GUF1: variants seen among roughly 807,000 people sequenced by gnomAD.
GUF1 encodes the protein translation factor GUF1, mitochondrial.
GUF1 carries 78 observed loss-of-function variants against 82.4 expected under a neutral mutation model. The observed-to-expected ratio is 0.95, with a 90% CI of 0.79 to 1.14. The LOEUF is 1.14. Ranked by LOEUF, GUF1 falls within the 50% of genes most tolerant of loss-of-function variation. The probability of loss-of-function intolerance (pLI) is 0.00; values close to 1 mark genes in which losing one functional copy is unlikely to be tolerated. For missense variants in GUF1, 814 were observed against 798.2 expected, an observed-to-expected ratio of 1.02 and a Z score of -0.24; for synonymous variants, 279 against 282.3, an observed-to-expected ratio of 0.99 and a Z score of 0.12.
rs1714740682 is a variant in GUF1, at chr4:44,680,998, T to C, written c.427-125T>C. 8 of 1,103,136 alleles carry C rather than the reference T, an allele frequency of 7.3e-6. No individual in the cohort carries two copies. In the Admixed American group the frequency reaches 1.6e-4, roughly 22 times the overall value. 68.3% of individuals were successfully genotyped at this position (1,103,136 alleles called of 1,614,324 possible). A position where few individuals can be genotyped will look rare whatever the true frequency, so the allele number is the denominator to read the frequency against. On this transcript the variant is annotated intron_variant, in intron 3 of 16. Transcript: ENST00000281543. ...ATGTTAGTGTCAGTTGTTTCAAAAG[T>C]GCAGGCTACAAAAAAGAAACGAATA... is the stretch of plus-strand genomic sequence containing the variant.
intron 4 of GUF1, 99 bp from the exon 5 acceptor site, chr4:44,682,235 A>G (rs1714811277): frequency 3.6e-6 from 2 of 560,332 alleles, no homozygotes; most frequent in Non-Finnish European, 6.1e-6. Context: ...GCATAACGCA[A>G]AATCTCTTGA....
intron 4 of GUF1, among the ~76,000 whole-genome samples, chr4:44,681,543 T>G (rs1489760686): frequency 1.3e-5 from 2 of 152,082 alleles, no homozygotes; most frequent in African/African-American, 2.4e-5. Flanking sequence ...TAGCAGATCT[T>G]AAGAATAAAT....
rs1181427026 is a variant in GUF1 at position 44,688,028 on chromosome 4, T to C, written c.960T>C (p.Tyr320=). ...TTAGATATGCAGGACAGGTGGGCTA[T>C]CTGATTGCTGGGATGAAAGATGTCA... is the stretch of plus-strand genomic sequence containing the variant. ...THKLYAGQVG[Y]LIAGMKDVTE... Residue 320 remains tyrosine (Y), a synonymous_variant, in exon 9 of 17, where the codon TAT becomes TAC. Transcript: ENST00000281543. The C allele has an allele frequency of 6.2e-7, 1 of 1,612,016 alleles. No homozygotes were observed. The highest frequency in any genetic ancestry group is 2.2e-5 in the East Asian group (1 of 44,854).
chr4:44,683,120 G>A, intron 5 of GUF1, 115 bp from the exon 6 acceptor site: 3 of 549,572 alleles, frequency 5.5e-6, no homozygotes, highest in Non-Finnish European at 9.5e-6. Context: ...AAAAAATATT[G>A]TAGAGGGGTC....
At chr4:44,697,561 C>G in intron 16 of GUF1, 117 bp downstream of exon 16, 1 of 494,766 alleles carries the variant, frequency 2.0e-6, no homozygotes. Context: ...TTCCAAGTTC[C>G]CTTTTTGAAT....
intron 13 of GUF1, among the ~76,000 whole-genome samples, chr4:44,692,370 TAAG>T (rs1715501267): frequency 6.6e-6 from 1 of 151,848 alleles, no homozygotes; most frequent in Admixed American, 6.6e-5. Flanking sequence ...AAATAACAAA[TAAG>T]AAACTCAGGG....
intron 15 of GUF1, among the ~76,000 whole-genome samples, chr4:44,696,425 A>C (rs1715832382): frequency 6.6e-6 from 1 of 152,162 alleles, no homozygotes; most frequent in East Asian, 1.9e-4. Flanking sequence ...GTTTTTTAAC[A>C]AAAACCCAAA....
At position 44,698,563 on chromosome 4, in the gene GUF1, G is replaced by A. The variant is rs559797399; in HGVS notation, c.1892G>A (p.Arg631Gln). Residue 631 changes from arginine to glutamine, a missense_variant, in exon 17 of 17, where the codon CGA (arginine) becomes CAA (glutamine). Coordinates refer to ENST00000281543, the MANE Select transcript of GUF1 (RefSeq NM_021927.3). Reference protein sequence around the residue: ...LAKCYGGDITRKMKLLKRQAE... With the variant: ...LAKCYGGDITQKMKLLKRQAE... ...TTTCAGTATGGTGGTGATATTACCC[G>A]AAAAATGAAGCTTTTGAAGAGACAA... is the stretch of plus-strand genomic sequence containing the variant. The A allele has an allele frequency of 7.8e-5, 124 of 1,597,348 alleles. No homozygotes were observed. The highest frequency in any genetic ancestry group is 5.3e-4 in the South Asian group (46 of 86,904).
Position 44,692,407 on chromosome 4 carries a change from T to TTTG in GUF1, c.1613+627_1613+629dup, listed in dbSNP as rs375180952. ...GGCATAGCATTCTGAGAGGCTGTTT[T>TTTG]TTGTTGTTGTTGTTGTTGTTGGGGC... On this transcript the variant is annotated intron_variant, in intron 13 of 16. Transcript: ENST00000281543. 5.4e-3 allele frequency among the ~76,000 whole-genome samples: 818 copies of TTTG among 151,602 alleles called. 2 individuals carry two copies. The highest frequency in any genetic ancestry group is 9.0e-3 in the Non-Finnish European group (607 of 67,712).
intron 3 of GUF1, 84 bp downstream of exon 3, chr4:44,680,926 CTGAG>C (rs1714736880): frequency 3.2e-6 from 4 of 1,265,254 alleles, no homozygotes; most frequent in East Asian, 2.3e-5. Flanking sequence ...AATTTTTGAA[CTGAG>C]TATTAAACAT....
intron 16 of GUF1, among the ~76,000 whole-genome samples, chr4:44,697,689 A>C (rs1577785004): frequency 7.9e-6 from 1 of 125,966 alleles, no homozygotes; most frequent in East Asian, 2.1e-4. Flanking sequence ...CTTATATGTA[A>C]TACTAAGGAA....
Position 44,691,372 on chromosome 4 carries a change from CTT to C in GUF1, c.1480-291_1480-290del, listed in dbSNP as rs375918715. On this transcript the variant is annotated intron_variant, in intron 12 of 16. Coordinates refer to ENST00000281543, the MANE Select transcript of GUF1 (RefSeq NM_021927.3). The stretch of plus-strand genomic sequence containing the variant: ...AACTAGATTGTAATCTTGGTCTTAA[CTT>C]TTAATTTCTCTGGACCTAATTATTT... Among the ~76,000 whole-genome samples, 532 of 151,832 alleles carry C rather than the reference CTT, an allele frequency of 3.5e-3. 1 individual carries two copies. The highest frequency in any genetic ancestry group is 0.012 in the African/African-American group (497 of 41,510).
intron 11 of GUF1, 83 bp from the exon 12 acceptor site, chr4:44,690,634 G>C: frequency 2.7e-6 from 2 of 742,848 alleles, no homozygotes; most frequent in Non-Finnish European, 4.3e-6. Context: ...ACAGCTGGAG[G>C]GATTTTAAAA....
At chr4:44,678,982 A>G (rs1413246066) in intron 1 of GUF1, among the ~76,000 whole-genome samples, 195 bp downstream of exon 1, 1 of 152,212 alleles carries the variant, frequency 6.6e-6, no homozygotes, top group Non-Finnish European at 1.5e-5. Context: ...ACCTTGGGCA[A>G]GTCACTAACT....
rs574434394 is a variant in GUF1, at chr4:44,698,538, T to A, written c.1873-6T>A. ...TAGACTTCCAATGTTTTAAAATATTTTTCAGTATGGTGGTGATATTACCCG... is the reference window on the plus strand; with the variant it reads ...TAGACTTCCAATGTTTTAAAATATTATTCAGTATGGTGGTGATATTACCCG... On this transcript the variant is annotated splice_region_variant and splice_polypyrimidine_tract_variant and intron_variant, in intron 16 of 16. Transcript: ENST00000281543. 1 of 1,577,542 alleles carries A rather than the reference T, an allele frequency of 6.3e-7. No individual in the cohort carries two copies. Among genetic ancestry groups the A allele is most frequent in the African/African-American group, 1.4e-5 (1 of 72,256 alleles).
intron 14 of GUF1, among the ~76,000 whole-genome samples, chr4:44,694,867 C>T (rs1359678789): frequency 2.6e-5 from 4 of 151,678 alleles, no homozygotes; most frequent in East Asian, 2.0e-4. Context: ...AGTGCAGTGG[C>T]GCAATTTCTG....
intron 3 of GUF1, 118 bp from the exon 4 acceptor site, chr4:44,681,005 T>C (rs1345197344): frequency 8.8e-7 from 1 of 1,139,570 alleles, no homozygotes; most frequent in Non-Finnish European, 1.3e-6. Flanking sequence ...AAGTGCAGGC[T>C]ACAAAAAAGA....
chr4:44,694,784 G>T (rs1715685077), intron 14 of GUF1, among the ~76,000 whole-genome samples: 1 of 141,100 alleles, frequency 7.1e-6, no homozygotes, highest in African/African-American at 2.5e-5. Flanking sequence ...GATGGATTTA[G>T]AATTGGGAAC....
At chr4:44,696,844 T>C (rs1715857016) in intron 15 of GUF1, among the ~76,000 whole-genome samples, 1 of 152,134 alleles carries the variant, frequency 6.6e-6, no homozygotes, top group African/African-American at 2.4e-5. Flanking sequence ...GATAATACCT[T>C]AAAAAATTGG....
Sources: gnomAD v4.1 joint callset for allele counts (sites outside exome capture counted in the v4.1 genomes callset) on GRCh38, gnomAD v4.1.1 for gene constraint, MANE v1.5 for transcripts, NCBI Gene and HGNC (gene_info 2026-07-23, HGNC 2026-07-21) for gene names.